The following PRKG1 variants were observed in gnomAD, a reference collection of about 807,000 sequenced individuals.
PRKG1 encodes the protein protein kinase cGMP-dependent 1, also known as cGMP-dependent protein kinase 1.
A neutral mutation model predicts 88.1 loss-of-function variants in PRKG1; 35 were observed. The observed-to-expected ratio is 0.40, with a 90% confidence interval of 0.30 to 0.53. The LOEUF (loss-of-function observed/expected upper bound fraction) is 0.53. PRKG1 is among the 20% of genes least tolerant of loss of function. The pLI, the probability that PRKG1 is intolerant of heterozygous loss-of-function variation, is 0.59. For missense variants in PRKG1, 540 were observed against 839.8 expected (o/e 0.64, Z 4.41); for synonymous variants, 303 against 292.5 (o/e 1.04, Z -0.37).
chr10:51,955,943 A>T (rs1843292719), intron 5 of PRKG1, among the ~76,000 whole-genome samples: 1 of 152,152 alleles, frequency 6.6e-6, no homozygotes, highest in South Asian at 2.1e-4. Context: ...TTTCTGGGGA[A>T]GCTGCAAGTA....
chr10:51,555,642 G>A (rs1241839534), intron 3 of PRKG1, among the ~76,000 whole-genome samples: 1 of 152,028 alleles, frequency 6.6e-6, no homozygotes, highest in Non-Finnish European at 1.5e-5. Flanking sequence ...GAAACACTAA[G>A]TATGTTCCTT....
At chr10:51,233,213 T>G (rs1838892477) in intron 2 of PRKG1, among the ~76,000 whole-genome samples, 1 of 152,192 alleles carries the variant, frequency 6.6e-6, no homozygotes, top group African/African-American at 2.4e-5. Flanking sequence ...CCGGTTTCTC[T>G]GAGACCACGT....
intron 3 of PRKG1, among the ~76,000 whole-genome samples, chr10:51,561,852 G>T (rs1017996876): frequency 6.6e-6 from 1 of 151,974 alleles, no homozygotes; most frequent in Non-Finnish European, 1.5e-5. Context: ...GTCTAAACTG[G>T]CATTTTTGCA....
intron 2 of PRKG1, among the ~76,000 whole-genome samples, chr10:51,244,481 C>T (rs1589274400): frequency 1.3e-5 from 2 of 151,982 alleles, no homozygotes; most frequent in African/African-American, 2.4e-5. Context: ...CTCACACACA[C>T]ACACTCTGCC....
chr10:51,000,869 C>T (rs1842882077), intron 1 of PRKG1, among the ~76,000 whole-genome samples: 1 of 151,992 alleles, frequency 6.6e-6, no homozygotes. Context: ...GGATTGTTCT[C>T]CTGTTTGTGT....
At chr10:51,635,153 C>A (rs1359606885) in intron 3 of PRKG1, among the ~76,000 whole-genome samples, 2 of 152,038 alleles carry the variant, frequency 1.3e-5, no homozygotes, top group Non-Finnish European at 2.9e-5. Context: ...ATAGCCTGTC[C>A]TGCATTTGGG....
At chr10:51,049,996 G>T (rs570532645) in intron 1 of PRKG1, among the ~76,000 whole-genome samples, 1 of 151,968 alleles carries the variant, frequency 6.6e-6, no homozygotes, top group Non-Finnish European at 1.5e-5. Flanking sequence ...CAGTTTCCTT[G>T]CTTGTCATTA....
chr10:51,486,155 G>A (rs2132858858), intron 3 of PRKG1, among the ~76,000 whole-genome samples: 1 of 152,124 alleles, frequency 6.6e-6, no homozygotes, highest in South Asian at 2.1e-4. Flanking sequence ...ATTGCTAACT[G>A]TAGGCACTAT....
At chr10:51,720,070 G>C (rs1841975308) in intron 3 of PRKG1, among the ~76,000 whole-genome samples, 1 of 152,098 alleles carries the variant, frequency 6.6e-6, no homozygotes, top group Non-Finnish European at 1.5e-5. Context: ...GTATCACAGG[G>C]AAAATAGGAG....
intron 7 of PRKG1, among the ~76,000 whole-genome samples, chr10:52,099,591 G>A (rs1847250034): frequency 6.6e-6 from 1 of 152,166 alleles, no homozygotes; most frequent in Admixed American, 6.5e-5. Context: ...TAGGGTTTGA[G>A]ATATGTGTGG....
At chr10:51,213,028 C>T (rs529967513) in intron 2 of PRKG1, among the ~76,000 whole-genome samples, 3,076 of 152,058 alleles carry the variant, frequency 0.02, 45 homozygotes, top group Middle Eastern at 0.051. Context: ...ATGTTTATTG[C>T]GGCACTATTC....
chr10:51,038,903 C>A (rs1308117758), intron 1 of PRKG1, among the ~76,000 whole-genome samples: 2 of 152,076 alleles, frequency 1.3e-5, no homozygotes, highest in Admixed American at 6.6e-5. Context: ...TACTGTGTAC[C>A]CACAATTTTT....
At chr10:51,540,327 A>G (rs1046844818) in intron 3 of PRKG1, among the ~76,000 whole-genome samples, 1 of 152,202 alleles carries the variant, frequency 6.6e-6, no homozygotes, top group Admixed American at 6.6e-5. Context: ...ATTATAAAGC[A>G]TTTACATTCA....
intron 5 of PRKG1, among the ~76,000 whole-genome samples, chr10:52,014,388 T>G (rs2133177176): frequency 6.6e-6 from 1 of 152,220 alleles, no homozygotes; most frequent in East Asian, 1.9e-4. Context: ...TGAGAACTCA[T>G]GCACTATCCC....
At chr10:51,592,466 C>G (rs1359669166) in intron 3 of PRKG1, among the ~76,000 whole-genome samples, 1 of 152,120 alleles carries the variant, frequency 6.6e-6, no homozygotes, top group Non-Finnish European at 1.5e-5. Context: ...TTCCATAGCT[C>G]AGATATACTA....
At chr10:51,930,783 G>A (rs201220000) in intron 5 of PRKG1, among the ~76,000 whole-genome samples, 2 of 152,012 alleles carry the variant, frequency 1.3e-5, no homozygotes, top group East Asian at 3.9e-4. Context: ...CAGCCACTGC[G>A]CCTGGCCAAA....
intron 2 of PRKG1, among the ~76,000 whole-genome samples, chr10:51,222,534 C>T (rs903550326): frequency 1.4e-4 from 22 of 152,066 alleles, no homozygotes; most frequent in African/African-American, 5.1e-4. Context: ...GCAAAACCGC[C>T]TTACTTCATT....
chr10:51,403,867 AAAT>A (rs1837829348), intron 2 of PRKG1, among the ~76,000 whole-genome samples: 1 of 152,198 alleles, frequency 6.6e-6, no homozygotes, highest in Non-Finnish European at 1.5e-5. Flanking sequence ...ATAAAAGAAA[AAAT>A]AAATCTATTT....
At chr10:51,562,495 TTGTGTTATAAGGTAG>T (rs1837493369) in intron 3 of PRKG1, among the ~76,000 whole-genome samples, 2 of 152,050 alleles carry the variant, frequency 1.3e-5, no homozygotes, top group African/African-American at 4.8e-5. Flanking sequence ...GTGTGCATCT[TTGTGTTATAAGGTAG>T]AGGCTTAGGA....
Sources: gnomAD v4.1 joint callset for allele counts (sites outside exome capture counted in the v4.1 genomes callset) on GRCh38, gnomAD v4.1.1 for gene constraint, MANE v1.5 for transcripts, NCBI Gene and HGNC (gene_info 2026-07-23, HGNC 2026-07-21) for gene names.